Variants in USP6 observed in about 807,000 individuals in gnomAD.
USP6 encodes ubiquitin carboxyl-terminal hydrolase 6.
In USP6, 128 loss-of-function variants were observed where a neutral mutation model predicts 175.7. That is an observed-to-expected ratio of 0.73 (90% confidence interval 0.63 to 0.84). The LOEUF is 0.84. Among genes scored for constraint, USP6 ranks in the 40% least tolerant of loss-of-function variants. The pLI is 0.00. For missense variants in USP6, 1,498 were observed against 1,760.3 expected, an observed-to-expected ratio of 0.85 and a Z score of 2.67; for synonymous variants, 562 against 630.6, an observed-to-expected ratio of 0.89 and a Z score of 1.63.
chr17:5,138,766 C>G (rs916678624), intron 21 of USP6, among the ~76,000 whole-genome samples: 5 of 152,182 alleles, frequency 3.3e-5, no homozygotes, highest in African/African-American at 1.2e-4. Context: ...GGCGGGACCC[C>G]GGGCCCAGAG....
In USP6 at chr17:5,124,674, T is replaced by A. The variant is rs907635761; in HGVS notation, c.-1190T>A. The A allele has an allele frequency of 6.6e-6, 1 of 152,330 alleles. No homozygotes were observed. Among genetic ancestry groups the A allele is most frequent in the African/African-American group, 2.4e-5 (1 of 41,454 alleles). 9.4% of individuals were successfully genotyped at this position (152,330 alleles called of 1,614,324 possible). On this transcript the variant is annotated 5_prime_UTR_variant, in exon 5 of 38. Coordinates refer to ENST00000574788, the MANE Select transcript of USP6 (RefSeq NM_001304284.2). ...CCCTGGTGACACCTTGATCTTGGAC[T>A]GACACTCATGACCTCCAGTACTGTG... is the stretch of plus-strand genomic sequence containing the variant.
chr17:5,120,187 CA>C (rs2072620835), intron 2 of USP6, among the ~76,000 whole-genome samples: 1 of 152,174 alleles, frequency 6.6e-6, no homozygotes, highest in Admixed American at 6.5e-5. Context: ...TTTCCTCCAG[CA>C]GATTAACATT....
chr17:5,165,892 C>T (rs1229252370), intron 33 of USP6, among the ~76,000 whole-genome samples: 1 of 152,172 alleles, frequency 6.6e-6, no homozygotes, highest in African/African-American at 2.4e-5. Flanking sequence ...GTTTATCAGC[C>T]ATCTTTCCTC....
chr17:5,168,752 C>T lies in USP6; in HGVS notation c.3229-15C>T, dbSNP rs1240394537. ...GAACCCTTTAATGCGATGTTTTCTA[C>T]CTTTACTTCTCCAGATTATTCACCT... On this transcript the variant is annotated splice_polypyrimidine_tract_variant and intron_variant, in intron 34 of 37. Coordinates refer to ENST00000574788, the MANE Select transcript of USP6 (RefSeq NM_001304284.2). 1.3e-6 allele frequency: 2 copies of T among 1,548,778 alleles called. No homozygotes were observed. Among genetic ancestry groups the T allele is most frequent in the Non-Finnish European group, 1.7e-6 (2 of 1,148,908 alleles).
chr17:5,161,418 A>C, intron 31 of USP6, 110 bp from the exon 32 acceptor site: 1 of 1,080,856 alleles, frequency 9.3e-7, no homozygotes, highest in Non-Finnish European at 1.4e-6. Context: ...ACATGAGCAT[A>C]CTGCTGTGGC....
At position 5,161,562 on chromosome 17, in the gene USP6, C is replaced by T; in HGVS notation, c.2863C>T (p.Leu955=). 2 of 1,614,012 alleles carry T rather than the reference C, an allele frequency of 1.2e-6. No homozygotes were observed. The highest frequency in any genetic ancestry group is 1.7e-6 in the Non-Finnish European group (2 of 1,179,888). The change falls in exon 32 of 38, where the codon CTA becomes TTA. Residue 955 remains leucine (L), a synonymous_variant. Transcript: ENST00000574788. ...TATGGGCTATCAATATCCATTCACT[C>T]TACGAGTTGTGCAGAAAGATGGGAA... The part of the protein sequence containing the change: ...NCMGYQYPFT[L]RVVQKDGNSC...
At chr17:5,167,865 C>T in intron 33 of USP6, 67 bp from the exon 34 acceptor site, 1 of 1,536,156 alleles carries the variant, frequency 6.5e-7, no homozygotes, top group Non-Finnish European at 8.8e-7. Context: ...GCGGTTGATG[C>T]ATAGCTAGAT....
Position 5,174,722 on chromosome 17 carries a change from T to C in USP6, c.*1744T>C, listed in dbSNP as rs964300874. Reference sequence around the variant, plus strand: ...TAATGTTGTGTGATTTGTGTTATACTGGTTGTAATTAATTTTTTTAATTCA... The same window carrying C: ...TAATGTTGTGTGATTTGTGTTATACCGGTTGTAATTAATTTTTTTAATTCA... On this transcript the variant is annotated 3_prime_UTR_variant, in exon 38 of 38. Transcript: ENST00000574788. The C allele has an allele frequency of 4.5e-5, 9 of 201,810 alleles. No homozygotes were observed. Among genetic ancestry groups the C allele is most frequent in the Non-Finnish European group, 9.2e-5 (9 of 97,852 alleles). 12.5% of individuals were successfully genotyped at this position (201,810 alleles called of 1,614,324 possible).
rs1289379556 is a variant in USP6 at position 5,123,329 on chromosome 17, C to G, written c.-1298-1237C>G. Among the ~76,000 whole-genome samples, 4 of 151,900 alleles carry G rather than the reference C, an allele frequency of 2.6e-5. No individual in the cohort carries two copies. The East Asian group carries it at 5.8e-4, about 22-fold the overall frequency. ...GGGGGTGGTAGAGGCAGCGCCTCCC[C>G]GCCCGGGCACGGCCTGGCCCGGAGT... On this transcript the variant is annotated intron_variant, in intron 4 of 37. Coordinates refer to ENST00000574788, the MANE Select transcript of USP6 (RefSeq NM_001304284.2).
At chr17:5,139,779 G>A in intron 22 of USP6, 105 bp downstream of exon 22, 1 of 1,595,566 alleles carries the variant, frequency 6.3e-7, no homozygotes, top group South Asian at 1.1e-5. Flanking sequence ...TTTGCAGCTA[G>A]GGACGAGCAG....
rs1168870547 is a variant in USP6, at chr17:5,174,102, GTTT to G, written c.*1129_*1131del. ...TTTTGCTTTGTTTGCATGTCCACTGGTTTTTTTATTTTGATATTTGTCTTTTTT... is the reference window on the plus strand; with the variant it reads ...TTTTGCTTTGTTTGCATGTCCACTGGTTTTATTTTGATATTTGTCTTTTTT... On this transcript the variant is annotated 3_prime_UTR_variant, in exon 38 of 38. Coordinates refer to ENST00000574788, the MANE Select transcript of USP6 (RefSeq NM_001304284.2). The G allele has an allele frequency of 2.0e-5, 4 of 203,462 alleles. No individual in the cohort carries two copies. Among genetic ancestry groups the G allele is most frequent in the African/African-American group, 9.2e-5 (4 of 43,670 alleles). 12.6% of individuals were successfully genotyped at this position (203,462 alleles called of 1,614,324 possible).
chr17:5,133,650 G>GGGGGGGGGGGC, intron 14 of USP6, 100 bp downstream of exon 14: 2 of 556,552 alleles, frequency 3.6e-6, no homozygotes, highest in Non-Finnish European at 7.0e-6. Context: ...GGGGGGGTGG[G>GGGGGGGGGGGC]AGGGGATGGT....
intron 2 of USP6, among the ~76,000 whole-genome samples, chr17:5,118,696 T>C (rs1488551833): frequency 1.3e-5 from 2 of 152,146 alleles, no homozygotes; most frequent in African/African-American, 4.8e-5. Flanking sequence ...TGTGGAGCAC[T>C]TGAAGGATGG....
chr17:5,139,221 C>T, intron 21 of USP6, 34 bp from the exon 22 acceptor site: 1 of 1,598,804 alleles, frequency 6.3e-7, no homozygotes. Flanking sequence ...CATGGGCTCA[C>T]TGGAGATGCT....
At chr17:5,140,644 G>A (rs547402423) in intron 22 of USP6, among the ~76,000 whole-genome samples, 1 of 152,168 alleles carries the variant, frequency 6.6e-6, no homozygotes, top group African/African-American at 2.4e-5. Context: ...TATTATCTAA[G>A]GTTATTAAGG....
Position 5,132,085 on chromosome 17 carries a change from T to C in USP6, c.156-311T>C, listed in dbSNP as rs1237922866. The C allele has an allele frequency of 3.0e-6, 3 of 1,004,866 alleles. No homozygotes were observed. The highest frequency in any genetic ancestry group is 1.6e-5 in the African/African-American group (1 of 60,802). The allele number at this position is 1,004,866 out of a possible 1,614,324, so 62.2% of individuals were successfully genotyped here. A position where few individuals can be genotyped will look rare whatever the true frequency, so the allele number is the denominator to read the frequency against. ...CCCCATCCCATCTCAGGGCTAACCT[T>C]TCTCAGCTCCAGCAGAAAGCACCAC... On this transcript the variant is annotated intron_variant, in intron 11 of 37. Coordinates refer to ENST00000574788, the MANE Select transcript of USP6 (RefSeq NM_001304284.2). The surrounding 1 kb of genome is among the most constrained non-coding windows in gnomAD (Gnocchi z 4.7).
At chr17:5,128,623 A>G (rs1391409644) in intron 7 of USP6, 1 of 152,500 alleles carries the variant, frequency 6.6e-6, no homozygotes, top group Admixed American at 6.5e-5. Context: ...ACGTGCACAG[A>G]CATGTTTATC....
chr17:5,150,579 C>T (rs12709341), intron 30 of USP6, among the ~76,000 whole-genome samples: 47,906 of 150,688 alleles, frequency 0.32, 9,602 homozygotes, highest in Non-Finnish European at 0.45. Flanking sequence ...ACTGCAGCCT[C>T]CACCTCCTGG....
chr17:5,136,493 G>A (rs1188941123), intron 17 of USP6, 147 bp from the exon 18 acceptor site: 23 of 1,111,082 alleles, frequency 2.1e-5, no homozygotes, highest in Non-Finnish European at 2.7e-5. Context: ...CACCTCCCCA[G>A]GGCAAAGGCC....
Sources: gnomAD v4.1 joint callset for allele counts (sites outside exome capture counted in the v4.1 genomes callset) on GRCh38, gnomAD v4.1.1 for gene constraint, Gnocchi (gnomAD v3.1) non-coding constraint, MANE v1.5 for transcripts, NCBI Gene and HGNC (gene_info 2026-07-23, HGNC 2026-07-21) for gene names.